The following PTPRN2 variants were observed in gnomAD, a reference collection of about 807,000 sequenced individuals.
The protein encoded by PTPRN2 is receptor-type tyrosine-protein phosphatase N2.
A neutral mutation model predicts 118.8 loss-of-function variants in PTPRN2; 74 were observed. The ratio of observed to expected loss-of-function variants is 0.62; its 90% CI spans 0.52 to 0.76. The LOEUF (loss-of-function observed/expected upper bound fraction) is 0.76. PTPRN2 is among the 30% of genes least tolerant of loss of function. The pLI is 0.00. For missense variants in PTPRN2, 1,481 were observed against 1,394.4 expected, an observed-to-expected ratio of 1.06 and a Z score of -0.99; for synonymous variants, 641 against 608.0, an observed-to-expected ratio of 1.05 and a Z score of -0.80.
intron 6 of PTPRN2, among the ~76,000 whole-genome samples, chr7:158,153,137 A>C (rs1821367733): frequency 1.3e-5 from 2 of 152,160 alleles, no homozygotes; most frequent in Non-Finnish European, 2.9e-5. Context: ...AACGATGCCG[A>C]GTGTGGCCGG....
At position 157,590,245 on chromosome 7, in the gene PTPRN2, C is replaced by G. The variant is rs1800906381; in HGVS notation, c.2496+4993G>C. ...AGTTTATATGACAAAATGACACCCT[C>G]ACCCCAAAATGGGTATTCTTTCCTT... On this transcript the variant is annotated intron_variant, in intron 17 of 22. Coordinates refer to ENST00000389418, the MANE Select transcript of PTPRN2 (RefSeq NM_002847.5). This position sits in a 1 kb window ranked among gnomAD's most constrained non-coding sequence, Gnocchi z 4.0. Among the ~76,000 whole-genome samples the G allele has an allele frequency of 6.6e-6, 1 of 152,184 alleles. No homozygotes were observed. The highest frequency in any genetic ancestry group is 1.5e-5 in the Non-Finnish European group (1 of 68,036).
At chr7:158,126,129 C>T (rs1250986664) in intron 9 of PTPRN2, among the ~76,000 whole-genome samples, 168 of 98,286 alleles carry the variant, frequency 1.7e-3, no homozygotes, top group Admixed American at 5.9e-3. Context: ...ACTTCCTCTC[C>T]GCCACACCAG....
intron 11 of PTPRN2, among the ~76,000 whole-genome samples, chr7:158,075,600 C>G (rs533629445): frequency 6.6e-6 from 1 of 152,334 alleles, no homozygotes. Flanking sequence ...ACGCCGCGCC[C>G]TCCACTTCTT....
chr7:158,479,778 G>A (rs766223554), intron 2 of PTPRN2, among the ~76,000 whole-genome samples: 7 of 152,186 alleles, frequency 4.6e-5, no homozygotes, highest in African/African-American at 1.7e-4. Flanking sequence ...TTGCATTCCC[G>A]GACCCTCCAG....
In PTPRN2 at chr7:158,167,002, A is replaced by T. The variant is rs1199193989; in HGVS notation, c.839T>A (p.Leu280Gln). The T allele has an allele frequency of 4.1e-6, 6 of 1,468,664 alleles. No homozygotes were observed. The highest frequency in any genetic ancestry group is 4.5e-6 in the Non-Finnish European group (5 of 1,106,082). 91.0% of individuals were successfully genotyped at this position (1,468,664 alleles called of 1,614,324 possible). A position where few individuals can be genotyped will look rare whatever the true frequency, so the allele number is the denominator to read the frequency against. The change falls in exon 6 of 23, where the codon CTG (leucine) becomes CAG (glutamine). Residue 280 changes from leucine (L) to glutamine (Q), a missense_variant. Physicochemically the swap from Leu to Gln is moderately radical, Grantham distance 113. Coordinates refer to ENST00000389418, the MANE Select transcript of PTPRN2 (RefSeq NM_002847.5). ...CCACTTCTGGGGGGCGGCTGGTGCCAGCAAAGGCCTGGGCATTCTTGAGGG... is the reference window on the plus strand; with the variant it reads ...CCACTTCTGGGGGGCGGCTGGTGCCTGCAAAGGCCTGGGCATTCTTGAGGG... ...RAPSRMPRPL[L>Q]APAAPQKWPS...
chr7:158,503,101 TACTGTGTCCATCAGCC>T (rs1822490852), intron 1 of PTPRN2, among the ~76,000 whole-genome samples: 1 of 145,478 alleles, frequency 6.9e-6, no homozygotes, highest in Non-Finnish European at 1.5e-5. Context: ...GTCCATCAAC[TACTGTGTCCATCAGCC>T]ACTGTGTCCA....
At chr7:158,193,457 A>T (rs1256447739) in intron 4 of PTPRN2, among the ~76,000 whole-genome samples, 4 of 152,152 alleles carry the variant, frequency 2.6e-5, no homozygotes, top group African/African-American at 9.7e-5. Context: ...GGTAACGCCC[A>T]ACAGGCCCCG....
chr7:157,892,689 T>C (rs1487610201), intron 12 of PTPRN2, among the ~76,000 whole-genome samples: 1 of 152,054 alleles, frequency 6.6e-6, no homozygotes, highest in East Asian at 1.9e-4. Context: ...TAATACTGAA[T>C]AAGGCAATTA....
chr7:158,304,457 A>ATATGCTAAGACG (rs1157000177), intron 3 of PTPRN2, among the ~76,000 whole-genome samples: 2 of 148,428 alleles, frequency 1.3e-5, no homozygotes, highest in African/African-American at 2.4e-5. Context: ...ACACCCGTCA[A>ATATGCTAAGACG]TACACTAAGA....
chr7:157,876,840 G>A (rs1055030894), intron 12 of PTPRN2, among the ~76,000 whole-genome samples: 2 of 152,222 alleles, frequency 1.3e-5, no homozygotes, highest in African/African-American at 4.8e-5. Flanking sequence ...CAGCACGGGG[G>A]CATGCCGGGG....
chr7:157,888,760 C>T (rs1796631259), intron 12 of PTPRN2, among the ~76,000 whole-genome samples: 1 of 152,172 alleles, frequency 6.6e-6, no homozygotes, highest in South Asian at 2.1e-4. Context: ...CCGCCATGTC[C>T]CAGATGGTGG....
intron 14 of PTPRN2, among the ~76,000 whole-genome samples, chr7:157,652,956 G>A (rs966248816): frequency 2.0e-5 from 3 of 152,216 alleles, no homozygotes; most frequent in South Asian, 2.1e-4. Flanking sequence ...GCCCCAGGGC[G>A]GGAGGGGGCT....
At chr7:158,000,556 T>A (rs1359216322) in intron 11 of PTPRN2, among the ~76,000 whole-genome samples, 1 of 132,852 alleles carries the variant, frequency 7.5e-6, no homozygotes, top group African/African-American at 2.8e-5. Context: ...CTGGGAAGCA[T>A]GACTGAAGTT....
rs536960524 is a variant in PTPRN2, at chr7:158,491,385, C to T, written c.113-1600G>A. Among the ~76,000 whole-genome samples, 17 of 152,308 alleles carry T rather than the reference C, an allele frequency of 1.1e-4. No homozygotes were observed. In the South Asian group the frequency reaches 2.5e-3, roughly 22 times the overall value. ...ACCATCGCCTGCCAGCAGTCACAGGCGGGTGGACACCCCACCCATTGACGG... is the reference window on the plus strand; with the variant it reads ...ACCATCGCCTGCCAGCAGTCACAGGTGGGTGGACACCCCACCCATTGACGG... On this transcript the variant is annotated intron_variant, in intron 1 of 22. Coordinates refer to ENST00000389418, the MANE Select transcript of PTPRN2 (RefSeq NM_002847.5).
chr7:157,931,559 G>C (rs1799358533), intron 11 of PTPRN2, among the ~76,000 whole-genome samples: 2 of 152,176 alleles, frequency 1.3e-5, no homozygotes, highest in Non-Finnish European at 2.9e-5. Flanking sequence ...CCTTCGTGTG[G>C]GGCTAGAGCA....
rs1334696470 is a variant in PTPRN2 at position 157,765,837 on chromosome 7, CCATCCACT to C, written c.1789-82908_1789-82901del. ...CATCCATCATCCATTCTTCCTCCATCCATCCACTCATCCACTCATCCATCCATCCATCC... is the reference window on the plus strand; with the variant it reads ...CATCCATCATCCATTCTTCCTCCATCCATCCACTCATCCATCCATCCATCC... On this transcript the variant is annotated intron_variant, in intron 12 of 22. Transcript: ENST00000389418. Among the ~76,000 whole-genome samples, 4 of 144,220 alleles carry C rather than the reference CCATCCACT, an allele frequency of 2.8e-5. No individual in the cohort carries two copies. The South Asian group carries it at 7.0e-4, about 25-fold the overall frequency. 94.6% of individuals were successfully genotyped at this position (144,220 alleles called of 152,430 possible).
In PTPRN2 at chr7:158,563,632, C is replaced by T. The variant is rs532640009; in HGVS notation, c.112+23926G>A. ...GCAGCTCTCGCCGGGGACATCTGAACATCCTTGTTAGCTCAGGGCACACCC... is the reference window on the plus strand; with the variant it reads ...GCAGCTCTCGCCGGGGACATCTGAATATCCTTGTTAGCTCAGGGCACACCC... On this transcript the variant is annotated intron_variant, in intron 1 of 22. Coordinates refer to ENST00000389418, the MANE Select transcript of PTPRN2 (RefSeq NM_002847.5). The surrounding 1 kb of genome is among the most constrained non-coding windows in gnomAD (Gnocchi z 5.1). Among the ~76,000 whole-genome samples the T allele has an allele frequency of 7.2e-5, 11 of 152,370 alleles. No individual in the cohort carries two copies. The highest frequency in any genetic ancestry group is 9.6e-5 in the African/African-American group (4 of 41,588).
At chr7:158,343,896 G>T (rs1317668402) in intron 2 of PTPRN2, among the ~76,000 whole-genome samples, 1 of 152,174 alleles carries the variant, frequency 6.6e-6, no homozygotes, top group Non-Finnish European at 1.5e-5. Context: ...TTCCATGGAG[G>T]GTCTAGACTG....
chr7:157,830,873 C>A (rs1469165141), intron 12 of PTPRN2, among the ~76,000 whole-genome samples: 1 of 152,202 alleles, frequency 6.6e-6, no homozygotes, highest in Non-Finnish European at 1.5e-5. Context: ...CACATACGAA[C>A]GTGTGCTAAG....
Sources: gnomAD v4.1 joint callset for allele counts (sites outside exome capture counted in the v4.1 genomes callset) on GRCh38, gnomAD v4.1.1 for gene constraint, Gnocchi (gnomAD v3.1) non-coding constraint, MANE v1.5 for transcripts, NCBI Gene and HGNC (gene_info 2026-07-23, HGNC 2026-07-21) for gene names.